The following GLIS3 variants were observed in gnomAD, a reference collection of about 807,000 sequenced individuals.
The protein encoded by GLIS3 is GLIS family zinc finger 3, also known as zinc finger protein GLIS3.
A neutral mutation model predicts 78.6 loss-of-function variants in GLIS3; 53 were observed. The ratio of observed to expected loss-of-function variants is 0.67; its 90% confidence interval spans 0.54 to 0.85. The LOEUF is 0.85. Ranked by LOEUF, GLIS3 falls within the 40% of genes least tolerant of loss-of-function variation. The pLI is 0.00. For synonymous variants in GLIS3, 684 were observed against 509.9 expected, an observed-to-expected ratio of 1.34 and a Z score of -4.60; for missense variants, 1,703 against 1,231.1, an observed-to-expected ratio of 1.38 and a Z score of -5.74.
At chr9:4,179,708 G>A (rs568872637) in intron 2 of GLIS3, among the ~76,000 whole-genome samples, 1 of 152,166 alleles carries the variant, frequency 6.6e-6, no homozygotes, top group East Asian at 1.9e-4. Flanking sequence ...TTAGGAGTTC[G>A]AGACCAGCCT....
the GLIS3 span, among the ~76,000 whole-genome samples, chr9:4,437,693 A>G: frequency 1.3e-5 from 2 of 151,734 alleles, no homozygotes; most frequent in Non-Finnish European, 2.9e-5. Flanking sequence ...CTTCCCTTCC[A>G]CCTCCTCCAC....
At chr9:4,011,355 T>C (rs989255451) in intron 4 of GLIS3, among the ~76,000 whole-genome samples, 3 of 151,964 alleles carry the variant, frequency 2.0e-5, no homozygotes, top group African/African-American at 7.3e-5. Flanking sequence ...TGTGGTAAAA[T>C]GGAAGATGAA....
intron 2 of GLIS3, among the ~76,000 whole-genome samples, chr9:4,195,305 C>A (rs917134304): frequency 1.3e-5 from 2 of 152,138 alleles, no homozygotes; most frequent in African/African-American, 4.8e-5. Context: ...GAGGGAGAGG[C>A]GCGGGTGGGA....
At chr9:3,917,960 T>C (rs902346928) in intron 6 of GLIS3, among the ~76,000 whole-genome samples, 8 of 152,194 alleles carry the variant, frequency 5.3e-5, no homozygotes, top group African/African-American at 1.4e-4. Flanking sequence ...AATTTTATGC[T>C]TTCTAGAAGG....
intron 6 of GLIS3, among the ~76,000 whole-genome samples, chr9:3,913,630 A>G (rs911459391): frequency 3.3e-5 from 5 of 152,216 alleles, no homozygotes; most frequent in Admixed American, 1.3e-4. Context: ...CCAAGGTCCA[A>G]TTCAATGTCA....
intron 2 of GLIS3, among the ~76,000 whole-genome samples, chr9:4,160,883 A>G (rs1401650974): frequency 6.6e-6 from 1 of 152,054 alleles, no homozygotes; most frequent in Non-Finnish European, 1.5e-5. Context: ...TGTGTGCAAC[A>G]CCTCCATATC....
At position 4,337,803 on chromosome 9, in the gene GLIS3, A is replaced by G. The variant is rs1427084408; in HGVS notation, n.264+9278T>C. ...TTTTGTTTACTCAGTACCAGGCTCC[A>G]CTATCCATCTTTCAGATATGTTGTA... On this transcript the variant is annotated intron_variant and non_coding_transcript_variant, in intron 2 of 4. Coordinates refer to the GLIS3 transcript ENST00000471664. Among the ~76,000 whole-genome samples the G allele has an allele frequency of 3.3e-5, 5 of 152,190 alleles. No homozygotes were observed. In the East Asian group the frequency reaches 9.6e-4, roughly 29 times the overall value.
the GLIS3 span, among the ~76,000 whole-genome samples, chr9:4,413,185 C>T: frequency 6.6e-5 from 10 of 152,246 alleles, no homozygotes; most frequent in East Asian, 1.9e-3. Flanking sequence ...GGATGTGATA[C>T]CCACTAACTC....
At chr9:3,958,042 G>C (rs570108110) in intron 4 of GLIS3, among the ~76,000 whole-genome samples, 35 of 152,318 alleles carry the variant, frequency 2.3e-4, no homozygotes, top group African/African-American at 7.0e-4. Context: ...ATGGAAAGCT[G>C]TGGCTCCTTC....
chr9:3,829,193 A>T, intron 10 of GLIS3, 117 bp downstream of exon 10: 1 of 856,768 alleles, frequency 1.2e-6, no homozygotes, highest in Non-Finnish European at 2.0e-6. Context: ...GGGTCGTTCA[A>T]CAGGATTTGA....
chr9:3,981,036 A>G (rs984476304), intron 4 of GLIS3, among the ~76,000 whole-genome samples: 2 of 152,282 alleles, frequency 1.3e-5, no homozygotes, highest in East Asian at 3.9e-4. Context: ...CGAACTGAAG[A>G]AAGATGAACT....
At chr9:3,972,420 T>G (rs753750518) in intron 4 of GLIS3, among the ~76,000 whole-genome samples, 1 of 152,328 alleles carries the variant, frequency 6.6e-6, no homozygotes, top group African/African-American at 2.4e-5. Context: ...GAGGGCATGT[T>G]AGCCTGCAAA....
intron 4 of GLIS3, among the ~76,000 whole-genome samples, chr9:3,984,472 G>A (rs1347700839): frequency 1.8e-4 from 28 of 152,104 alleles, no homozygotes; most frequent in South Asian, 2.1e-4. Context: ...CCTTTGTTTC[G>A]GCCAATTTCT....
At position 4,325,735 on chromosome 9, in the gene GLIS3, C is replaced by A. The variant is rs117596335; in HGVS notation, n.265-15207G>T. Among the ~76,000 whole-genome samples the A allele has an allele frequency of 3.2e-3, 486 of 152,046 alleles. 2 individuals carry two copies. The highest frequency in any genetic ancestry group is 6.0e-3 in the Non-Finnish European group (406 of 67,986). On this transcript the variant is annotated intron_variant and non_coding_transcript_variant, in intron 2 of 4. Transcript: ENST00000471664. ...GTTTGTTTTTATTTTTTTCATCTAT[C>A]AAAGTAATCTTGTTCATGATGTGAA... is the stretch of plus-strand genomic sequence containing the variant.
At chr9:4,133,867 CACACACA>C (rs1564098493) in intron 2 of GLIS3, among the ~76,000 whole-genome samples, 86 of 111,404 alleles carry the variant, frequency 7.7e-4, no homozygotes, top group African/African-American at 1.2e-3. Flanking sequence ...CACACACACA[CACACACA>C]CCGTACATCT....
rs186846594 is a variant in GLIS3, at chr9:4,007,744, A to G, written c.1711-70555T>C. On this transcript the variant is annotated intron_variant, in intron 4 of 10. Coordinates refer to ENST00000381971, the MANE Select transcript of GLIS3 (RefSeq NM_001042413.2). The stretch of plus-strand genomic sequence containing the variant: ...GATCACACACACAAATGTAATTACA[A>G]AAGAAAGTGTATCTGGAGCACATAA... Among the ~76,000 whole-genome samples the G allele has an allele frequency of 4.5e-4, 68 of 152,310 alleles. 1 individual carries two copies. Among genetic ancestry groups the G allele is most frequent in the Admixed American group, 1.9e-3 (29 of 15,300 alleles).
the GLIS3 span, among the ~76,000 whole-genome samples, chr9:4,360,063 G>A: frequency 2.0e-4 from 30 of 151,682 alleles, no homozygotes; most frequent in East Asian, 2.9e-3. Flanking sequence ...GCCCACATAA[G>A]GTATTCCCCA....
intron 2 of GLIS3, among the ~76,000 whole-genome samples, chr9:4,266,821 A>G (rs1437268121): frequency 6.6e-6 from 1 of 152,252 alleles, no homozygotes; most frequent in East Asian, 1.9e-4. Context: ...AACAGGAGCC[A>G]AAACTATTCT....
the GLIS3 span, among the ~76,000 whole-genome samples, chr9:4,432,373 C>T: frequency 6.6e-6 from 1 of 152,092 alleles, no homozygotes; most frequent in South Asian, 2.1e-4. Flanking sequence ...GGGGGGACAG[C>T]ATGAGCAAAT....
Sources: allele counts gnomAD v4.1 joint callset (sites outside exome capture counted in the v4.1 genomes callset), GRCh38; gene constraint gnomAD v4.1.1; transcripts MANE v1.5; gene names NCBI Gene and HGNC (gene_info 2026-07-23, HGNC 2026-07-21).